The following RBM27 variants were observed in gnomAD, a reference collection of about 807,000 sequenced individuals.
RBM27 encodes the protein RNA binding motif protein 27.
A neutral mutation model predicts 135.3 loss-of-function variants in RBM27; 22 were observed. That is an observed-to-expected ratio of 0.16 (90% CI 0.12 to 0.23). The LOEUF (loss-of-function observed/expected upper bound fraction) is 0.23. RBM27 is among the 10% of genes least tolerant of loss of function. The pLI, the probability that RBM27 is intolerant of heterozygous loss-of-function variation, is 1.00. For synonymous variants in RBM27, 481 were observed against 442.4 expected (o/e 1.09, Z -1.10); for missense variants, 1,009 against 1,281.0 (o/e 0.79, Z 3.24).
At position 146,229,824 on chromosome 5, in the gene RBM27, A is replaced by G; in HGVS notation, c.503A>G (p.Lys168Arg). Residue 168 changes from lysine (K) to arginine (R), a missense_variant, in exon 5 of 21, where the codon AAG (lysine) becomes AGG (arginine). Around this residue, in one of 6 missense-constraint regions of RBM27, gnomAD observed 268 missense variants for 326.6 expected, o/e 0.82. Coordinates refer to ENST00000265271, the MANE Select transcript of RBM27 (RefSeq NM_018989.2). ...TATGACTGGAGAAGAGGCAGGAGTAAGAGTCGGAGTAAGAGTCGAGGCCTG... is the reference window on the plus strand; with the variant it reads ...TATGACTGGAGAAGAGGCAGGAGTAGGAGTCGGAGTAAGAGTCGAGGCCTG... ...EKYDWRRGRS[K>R]SRSKSRGLSR... 1 of 1,614,068 alleles carries G rather than the reference A, an allele frequency of 6.2e-7. No individual in the cohort carries two copies. Among genetic ancestry groups the G allele is most frequent in the South Asian group, 1.1e-5 (1 of 91,066 alleles).
intron 9 of RBM27, among the ~76,000 whole-genome samples, 199 bp downstream of exon 9, chr5:146,252,074 A>G (rs757760995): frequency 2.1e-4 from 32 of 152,126 alleles, no homozygotes; most frequent in Non-Finnish European, 4.4e-4. Flanking sequence ...TGTATCTGTC[A>G]TCTCTGGTGT....
At chr5:146,228,804 A>T in intron 3 of RBM27, 142 bp from the exon 4 acceptor site, 1 of 568,070 alleles carries the variant, frequency 1.8e-6, no homozygotes, top group East Asian at 3.1e-5. Context: ...GTAGAGATGG[A>T]GTCTCCCTGT....
intron 1 of RBM27, among the ~76,000 whole-genome samples, chr5:146,214,340 CA>C (rs1264630027): frequency 6.6e-6 from 1 of 152,120 alleles, no homozygotes; most frequent in Non-Finnish European, 1.5e-5. Flanking sequence ...TATAGTCAAG[CA>C]GTAATGGATT....
At chr5:146,225,660 G>T (rs1438833567) in intron 3 of RBM27, among the ~76,000 whole-genome samples, 1 of 151,728 alleles carries the variant, frequency 6.6e-6, no homozygotes, top group African/African-American at 2.4e-5. Flanking sequence ...CCACCTCCTG[G>T]GTTCAAGCGA....
intron 2 of RBM27, among the ~76,000 whole-genome samples, chr5:146,222,402 G>A (rs1756496682): frequency 6.6e-6 from 1 of 152,222 alleles, no homozygotes; most frequent in Non-Finnish European, 1.5e-5. Context: ...ATAAGACATA[G>A]GCTGGATGTG....
chr5:146,228,745 C>G (rs1332350781), intron 3 of RBM27, among the ~76,000 whole-genome samples: 1 of 152,092 alleles, frequency 6.6e-6, no homozygotes, highest in South Asian at 2.1e-4. Context: ...GGACTACATA[C>G]AGGTGCATCC....
rs188300379 is a variant in RBM27 at position 146,238,231 on chromosome 5, A to G, written c.1279+799A>G. Among the ~76,000 whole-genome samples, 345 of 152,240 alleles carry G rather than the reference A, an allele frequency of 2.3e-3. 1 individual carries two copies. The highest frequency in any genetic ancestry group is 3.7e-3 in the Non-Finnish European group (254 of 68,016). On this transcript the variant is annotated intron_variant, in intron 8 of 20. Coordinates refer to ENST00000265271, the MANE Select transcript of RBM27 (RefSeq NM_018989.2). ...TGTAATAATACATTTTTCTTGGGCC[A>G]GGCGCGGTGGCTCATGCCTGTAATC...
chr5:146,220,115 G>A (rs1296620208), intron 2 of RBM27, among the ~76,000 whole-genome samples: 1 of 152,058 alleles, frequency 6.6e-6, no homozygotes, highest in Non-Finnish European at 1.5e-5. Flanking sequence ...CCCTTTGTTT[G>A]CCTTTTGTTT....
intron 9 of RBM27, among the ~76,000 whole-genome samples, chr5:146,252,934 G>T (rs1757958086): frequency 6.6e-6 from 1 of 152,118 alleles, no homozygotes; most frequent in Non-Finnish European, 1.5e-5. Context: ...CTCTTTGGCG[G>T]ATAACTATAA....
rs374998357 is a variant in RBM27, at chr5:146,211,316, T to C, written c.59+7492T>C. 6.6e-5 allele frequency among the ~76,000 whole-genome samples: 10 copies of C among 151,934 alleles called. No homozygotes were observed. The East Asian group carries it at 1.3e-3, about 20-fold the overall frequency. ...AAATACTAAATTGCCTAGTCTAAGG[T>C]ATTTTGTTATAGTAGCCCAAACAGA... On this transcript the variant is annotated intron_variant, in intron 1 of 20. Transcript: ENST00000265271.
chr5:146,249,188 A>G (rs1407414496), intron 8 of RBM27, among the ~76,000 whole-genome samples: 2 of 151,114 alleles, frequency 1.3e-5, no homozygotes, highest in African/African-American at 4.9e-5. Context: ...TCGGTATGTT[A>G]CTCAGGCTGG....
At chr5:146,240,795 T>C (rs1384019163) in intron 8 of RBM27, among the ~76,000 whole-genome samples, 1 of 152,246 alleles carries the variant, frequency 6.6e-6, no homozygotes, top group African/African-American at 2.4e-5. Context: ...TTGTTTTTCC[T>C]GTTTCATACT....
At chr5:146,211,163 C>G (rs1339451678) in intron 1 of RBM27, among the ~76,000 whole-genome samples, 1 of 151,904 alleles carries the variant, frequency 6.6e-6, no homozygotes, top group African/African-American at 2.4e-5. Flanking sequence ...ACCTGTCGTC[C>G]TACCTACTTG....
At chr5:146,262,791 C>T (rs1392197674) in intron 13 of RBM27, among the ~76,000 whole-genome samples, 2 of 152,086 alleles carry the variant, frequency 1.3e-5, no homozygotes, top group African/African-American at 2.4e-5. Context: ...GTTAGTACAG[C>T]CCAAGATTGC....
chr5:146,286,064 T>C lies in RBM27; in HGVS notation c.*34T>C. 2 of 1,549,274 alleles carry C rather than the reference T, an allele frequency of 1.3e-6. No individual in the cohort carries two copies. Among genetic ancestry groups the C allele is most frequent in the Non-Finnish European group, 1.7e-6 (2 of 1,144,462 alleles). ...GCTAGCTGTATAATTTTTAGGAATA[T>C]TGTTTAGAAGAACAACTTTTAAAAA... On this transcript the variant is annotated 3_prime_UTR_variant, in exon 21 of 21. Transcript: ENST00000265271.
chr5:146,252,891 G>A (rs1180094378), intron 9 of RBM27, among the ~76,000 whole-genome samples: 1 of 152,146 alleles, frequency 6.6e-6, no homozygotes, highest in Non-Finnish European at 1.5e-5. Flanking sequence ...TAGAACAAAA[G>A]CTAAAATAAT....
rs937806466 is a variant in RBM27, at chr5:146,259,866, G to A, written c.1740-879G>A. On this transcript the variant is annotated intron_variant, in intron 11 of 20. Transcript: ENST00000265271. ...CGGGCGCCTGTAGTCCCAGCTACTC[G>A]GGAGGCTGAGGCAGGAGAATGGCGT... is the stretch of plus-strand genomic sequence containing the variant. 1.1e-4 allele frequency among the ~76,000 whole-genome samples: 16 copies of A among 150,594 alleles called. No homozygotes were observed. In the East Asian group the frequency reaches 1.7e-3, roughly 16 times the overall value.
rs376613663 is a variant in RBM27, at chr5:146,258,768, A to AT, written c.1739+191dup. 7.9e-3 allele frequency among the ~76,000 whole-genome samples: 1,154 copies of AT among 145,670 alleles called. 4 individuals carry two copies. The highest frequency in any genetic ancestry group is 8.9e-3 in the African/African-American group (358 of 40,036). ...AATTAAAAAGTTAACAATATTTATA[A>AT]TTTTTTTTTTTTTTTTAAAAGACGT... On this transcript the variant is annotated intron_variant, in intron 11 of 20. Transcript: ENST00000265271.
intron 9 of RBM27, 114 bp from the exon 10 acceptor site, chr5:146,254,829 A>T (rs890844512): frequency 2.3e-5 from 21 of 925,558 alleles, no homozygotes; most frequent in Non-Finnish European, 1.6e-6. Context: ...CTGTAGGTTG[A>T]TGTATTTGTT....
Sources: gnomAD v4.1 joint callset for allele counts (sites outside exome capture counted in the v4.1 genomes callset) on GRCh38, gnomAD v4.1.1 for gene constraint, gnomAD v4.1.1 regional missense constraint, MANE v1.5 for transcripts, NCBI Gene and HGNC (gene_info 2026-07-23, HGNC 2026-07-21) for gene names.